Variants in KRABD5 observed in about 807,000 individuals in gnomAD.
The protein encoded by KRABD5 is KRAB domain containing 5, also known as KRAB domain-containing protein 5.
the KRABD5 span, chr16:31,759,369 T>A: frequency 6.8e-7 from 1 of 1,480,192 alleles, no homozygotes; most frequent in Non-Finnish European, 9.1e-7. Context: ...AAAATAATCC[T>A]ATGGTGAAAA....
chr16:31,726,582 A>G, the KRABD5 span, among the ~76,000 whole-genome samples: 23 of 152,092 alleles, frequency 1.5e-4, no homozygotes, highest in African/African-American at 5.5e-4. Context: ...CCAACATGGC[A>G]AAACCCCGTC....
the KRABD5 span, among the ~76,000 whole-genome samples, chr16:31,750,846 G>A: frequency 6.6e-3 from 1,003 of 151,996 alleles, 10 homozygotes; most frequent in African/African-American, 0.023. Context: ...TGCAACCTCC[G>A]CCTCCTGGGT....
At chr16:31,729,947 C>A in the KRABD5 span, among the ~76,000 whole-genome samples, 3 of 152,018 alleles carry the variant, frequency 2.0e-5, no homozygotes, top group Non-Finnish European at 4.4e-5. Context: ...CTATATATGT[C>A]ACATTTTAAA....
the KRABD5 span, among the ~76,000 whole-genome samples, chr16:31,744,339 G>T: frequency 2.0e-5 from 3 of 152,152 alleles, no homozygotes; most frequent in Admixed American, 2.0e-4. Flanking sequence ...ATGAAGGAAT[G>T]ATAAATTTTA....
chr16:31,724,831 C>A, the KRABD5 span, among the ~76,000 whole-genome samples: 4 of 152,250 alleles, frequency 2.6e-5, no homozygotes, highest in Admixed American at 2.0e-4. Flanking sequence ...ACTCTTTGAC[C>A]AGTATCTCCC....
At chr16:31,756,480 T>C in the KRABD5 span, 2 of 151,246 alleles carry the variant, frequency 1.3e-5, no homozygotes, top group African/African-American at 2.5e-5. Flanking sequence ...AAAAACATCT[T>C]CACAGATATC....
the KRABD5 span, among the ~76,000 whole-genome samples, chr16:31,752,050 G>A: frequency 6.6e-6 from 1 of 152,106 alleles, no homozygotes; most frequent in South Asian, 2.1e-4. Context: ...TAATTTCTAT[G>A]CATTTCTGTG....
the KRABD5 span, among the ~76,000 whole-genome samples, chr16:31,750,113 T>C: frequency 6.6e-6 from 1 of 152,216 alleles, no homozygotes; most frequent in African/African-American, 2.4e-5. Context: ...GTGTGGAATC[T>C]CTGGATTGCT....
chr16:31,745,159 T>C, the KRABD5 span, among the ~76,000 whole-genome samples: 2 of 152,214 alleles, frequency 1.3e-5, no homozygotes, highest in East Asian at 1.9e-4. Flanking sequence ...TGTCTTCTGC[T>C]AACTCTTGGA....
At chr16:31,755,416 T>C in the KRABD5 span, 3 of 490,840 alleles carry the variant, frequency 6.1e-6, no homozygotes. Context: ...CCTTTAACTG[T>C]AGTTCATCCC....
the KRABD5 span, among the ~76,000 whole-genome samples, chr16:31,748,513 T>C: frequency 2.0e-5 from 3 of 152,258 alleles, no homozygotes; most frequent in African/African-American, 7.2e-5. Flanking sequence ...TGAAGGTTTT[T>C]AGCTTTTTTG....
At chr16:31,722,815 T>G in the KRABD5 span, 1 of 1,475,492 alleles carries the variant, frequency 6.8e-7, no homozygotes, top group East Asian at 2.5e-5. Flanking sequence ...TTTCTTTCCT[T>G]TGTAGAATGT....
chr16:31,716,799 T>C, the KRABD5 span, among the ~76,000 whole-genome samples: 1 of 152,224 alleles, frequency 6.6e-6, no homozygotes. Flanking sequence ...GATCTCCCAG[T>C]TGTGAGAACA....
chr16:31,759,406 GA>G, the KRABD5 span: 5 of 1,536,772 alleles, frequency 3.3e-6, no homozygotes, highest in South Asian at 4.8e-5. Context: ...CTCTGCTTGA[GA>G]AAAAGGACCA....
At chr16:31,736,578 C>T in the KRABD5 span, among the ~76,000 whole-genome samples, 2,266 of 145,380 alleles carry the variant, frequency 0.016, 68 homozygotes, top group African/African-American at 0.055. Context: ...AGTGCAATGG[C>T]GCGATTTTGG....
At chr16:31,731,616 C>T in the KRABD5 span, among the ~76,000 whole-genome samples, 3 of 152,304 alleles carry the variant, frequency 2.0e-5, no homozygotes, top group South Asian at 6.2e-4. Context: ...TTGTCTCCTT[C>T]CAGGTTTCTC....
At chr16:31,723,287 A>G in the KRABD5 span, 1 of 1,613,966 alleles carries the variant, frequency 6.2e-7, no homozygotes, top group Non-Finnish European at 8.5e-7. Context: ...GGACCTGATC[A>G]CCTTTTTGGA....
chr16:31,726,510 C>A, the KRABD5 span, among the ~76,000 whole-genome samples: 1 of 152,234 alleles, frequency 6.6e-6, no homozygotes, highest in East Asian at 1.9e-4. Context: ...CCTGTAATCC[C>A]AGCACTTTGG....
At chr16:31,755,870 A>G in the KRABD5 span, 3 of 240,930 alleles carry the variant, frequency 1.2e-5, no homozygotes, top group East Asian at 1.2e-4. Context: ...TACACAAAAA[A>G]GGACTAAAGC....
Sources: allele counts gnomAD v4.1 joint callset (sites outside exome capture counted in the v4.1 genomes callset), GRCh38; gene constraint gnomAD v4.1.1; transcripts MANE v1.5; gene names NCBI Gene and HGNC (gene_info 2026-07-23, HGNC 2026-07-21).